The following CSNK2A2 variants were observed in gnomAD, a reference collection of about 807,000 sequenced individuals.
CSNK2A2 encodes the protein casein kinase 2 alpha 2.
In CSNK2A2, 8 loss-of-function variants were observed where a neutral mutation model predicts 54.0. The ratio of observed to expected loss-of-function variants is 0.15; its 90% confidence interval spans 0.09 to 0.27. CSNK2A2 has a LOEUF of 0.27. Among genes scored for constraint, CSNK2A2 ranks in the 10% least tolerant of loss-of-function variants. The probability of loss-of-function intolerance (pLI) is 1.00; values close to 1 mark genes in which losing one functional copy is unlikely to be tolerated. For synonymous variants in CSNK2A2, 141 were observed against 153.9 expected (o/e 0.92, Z 0.62); for missense variants, 242 against 439.4 (o/e 0.55, Z 4.02).
chr16:58,165,574 T>C lies in CSNK2A2; in HGVS notation c.962A>G (p.Glu321Gly). 2 of 1,613,268 alleles carry C rather than the reference T, an allele frequency of 1.2e-6. No individual in the cohort carries two copies. Among genetic ancestry groups the C allele is most frequent in the Admixed American group, 3.3e-5 (2 of 59,744 alleles). The change falls in exon 10 of 12, where the codon GAG (glutamate) becomes GGG (glycine). Residue 321 changes from glutamate to glycine, a missense_variant. Coordinates refer to ENST00000262506, the MANE Select transcript of CSNK2A2 (RefSeq NM_001896.4). ...TGGAGACTCACAGAAGTATGGGTGC[T>C]CCATGGCCTCTTTGGCAGTCAGTCT... The part of the protein sequence containing the change: ...QQRLTAKEAM[E>G]HPYFYPVVKE...
At chr16:58,171,979 A>ATATATATATATATAT (rs1261137669) in intron 5 of CSNK2A2, among the ~76,000 whole-genome samples, 7 of 66,188 alleles carry the variant, frequency 1.1e-4, no homozygotes, top group East Asian at 5.1e-4. Flanking sequence ...ATATATATAT[A>ATATATATATATATAT]TTTTTTTTTT....
intron 11 of CSNK2A2, among the ~76,000 whole-genome samples, chr16:58,159,350 C>T (rs1045417426): frequency 6.6e-6 from 1 of 152,300 alleles, no homozygotes; most frequent in Non-Finnish European, 1.5e-5. Flanking sequence ...AACAGTCAAT[C>T]CCAAGAGGCA....
At chr16:58,161,492 T>A (rs1039963580) in intron 11 of CSNK2A2, 8 of 152,010 alleles carry the variant, frequency 5.3e-5, no homozygotes, top group African/African-American at 1.2e-4. Flanking sequence ...GGTGCGTACA[T>A]TTACCATGGT....
chr16:58,160,042 A>G (rs1961287036), intron 11 of CSNK2A2: 1 of 152,206 alleles, frequency 6.6e-6, no homozygotes, highest in Non-Finnish European at 1.5e-5. Context: ...CAGCCTCTAC[A>G]ATACCTAGTT....
chr16:58,184,639 TAA>T (rs900039563), intron 3 of CSNK2A2, among the ~76,000 whole-genome samples: 10 of 152,204 alleles, frequency 6.6e-5, no homozygotes, highest in Non-Finnish European at 1.5e-4. Context: ...AATTTCATAA[TAA>T]AAAGTTTTAA....
At chr16:58,168,850 G>A (rs1284908060) in intron 5 of CSNK2A2, among the ~76,000 whole-genome samples, 157 bp from the exon 6 acceptor site, 3 of 152,192 alleles carry the variant, frequency 2.0e-5, no homozygotes, top group Non-Finnish European at 4.4e-5. Context: ...TGCTTCAGAA[G>A]GCACCCCTTG....
At chr16:58,172,581 T>A (rs1356484014) in intron 5 of CSNK2A2, among the ~76,000 whole-genome samples, 1 of 152,240 alleles carries the variant, frequency 6.6e-6, no homozygotes, top group East Asian at 1.9e-4. Flanking sequence ...AATAAACTAA[T>A]TAAGACCACA....
rs1961887844 is a variant in CSNK2A2 at position 58,176,678 on chromosome 16, A to G, written c.370-2168T>C. Among the ~76,000 whole-genome samples the G allele has an allele frequency of 2.0e-5, 3 of 151,780 alleles. No individual in the cohort carries two copies. The South Asian group carries it at 6.2e-4, about 32-fold the overall frequency. ...CCTCCACTCTTCCCTCTCTAGCCCT[A>G]CTCCACCTTAGCCTGTAAAGCCAAA... On this transcript the variant is annotated intron_variant, in intron 4 of 11. Transcript: ENST00000262506.
intron 4 of CSNK2A2, among the ~76,000 whole-genome samples, chr16:58,176,299 C>T (rs751422898): frequency 1.3e-5 from 2 of 152,208 alleles, no homozygotes; most frequent in Non-Finnish European, 2.9e-5. Flanking sequence ...GTGGTACCTA[C>T]ACCATGCATC....
At chr16:58,174,961 CAG>C (rs1282369246) in intron 4 of CSNK2A2, among the ~76,000 whole-genome samples, 2 of 152,116 alleles carry the variant, frequency 1.3e-5, no homozygotes, top group African/African-American at 4.8e-5. Context: ...TGTGGTAAAA[CAG>C]TGGCGACACA....
intron 2 of CSNK2A2, among the ~76,000 whole-genome samples, chr16:58,195,114 T>C (rs1962401909): frequency 6.6e-6 from 1 of 152,114 alleles, no homozygotes; most frequent in South Asian, 2.1e-4. Flanking sequence ...AAGCAGCTTA[T>C]TGAAAACTTA....
chr16:58,179,719 T>A (rs1395808247), intron 4 of CSNK2A2, among the ~76,000 whole-genome samples: 1 of 152,178 alleles, frequency 6.6e-6, no homozygotes, highest in Non-Finnish European at 1.5e-5. Context: ...GTGAGTTCCA[T>A]AACCATGGGA....
At chr16:58,167,420 A>C (rs1961597889) in intron 7 of CSNK2A2, 112 bp from the exon 8 acceptor site, 1 of 723,418 alleles carries the variant, frequency 1.4e-6, no homozygotes, top group African/African-American at 1.8e-5. Flanking sequence ...GGCCATAGAT[A>C]ATTTATTTAA....
chr16:58,195,116 G>A (rs117582645), intron 2 of CSNK2A2, among the ~76,000 whole-genome samples: 2 of 151,338 alleles, frequency 1.3e-5, no homozygotes, highest in East Asian at 3.9e-4. Context: ...GCAGCTTATT[G>A]AAAACTTATG....
intron 7 of CSNK2A2, 114 bp from the exon 8 acceptor site, chr16:58,167,422 T>A: frequency 1.4e-6 from 1 of 726,128 alleles, no homozygotes; most frequent in Non-Finnish European, 2.1e-6. Context: ...CCATAGATAA[T>A]TTATTTAAAA....
chr16:58,168,206 C>A (rs1265906968), intron 6 of CSNK2A2, among the ~76,000 whole-genome samples: 1 of 152,034 alleles, frequency 6.6e-6, no homozygotes, highest in African/African-American at 2.4e-5. Context: ...ATTTATTCGT[C>A]TAATACTAGA....
chr16:58,177,500 T>C lies in CSNK2A2; in HGVS notation c.370-2990A>G, dbSNP rs1484361672. ...ACACCCACAAAGGCATGGCCACAGG[T>C]GGGCCTCACTGCTACCGTAGGCATA... On this transcript the variant is annotated intron_variant, in intron 4 of 11. Coordinates refer to ENST00000262506, the MANE Select transcript of CSNK2A2 (RefSeq NM_001896.4). 2.6e-5 allele frequency among the ~76,000 whole-genome samples: 4 copies of C among 152,172 alleles called. No homozygotes were observed. The East Asian group carries it at 7.7e-4, about 29-fold the overall frequency.
chr16:58,197,533 G>T lies in CSNK2A2; in HGVS notation c.104+100C>A. The T allele has an allele frequency of 1.6e-6, 1 of 620,586 alleles. No homozygotes were observed. Among genetic ancestry groups the T allele is most frequent in the Non-Finnish European group, 2.6e-6 (1 of 388,280 alleles). 38.4% of individuals were successfully genotyped at this position (620,586 alleles called of 1,614,324 possible). On this transcript the variant is annotated intron_variant, in intron 1 of 11. Transcript: ENST00000262506. This position sits in a 1 kb window ranked among gnomAD's most constrained non-coding sequence, Gnocchi z 4.0. Reference sequence around the variant, plus strand: ...CTGCCTCCCTGCGGGCCCGCGGAGGGGTCGGCGGGAGACACCACCGGGCCC... The same window carrying T: ...CTGCCTCCCTGCGGGCCCGCGGAGGTGTCGGCGGGAGACACCACCGGGCCC...
At chr16:58,186,669 T>A in intron 3 of CSNK2A2, 86 bp downstream of exon 3, 1 of 895,170 alleles carries the variant, frequency 1.1e-6, no homozygotes, top group Non-Finnish European at 1.8e-6. Context: ...CCCCACTGTA[T>A]CATTACGTGA....
Sources: gnomAD v4.1 joint callset for allele counts (sites outside exome capture counted in the v4.1 genomes callset) on GRCh38, gnomAD v4.1.1 for gene constraint, Gnocchi (gnomAD v3.1) non-coding constraint, MANE v1.5 for transcripts, NCBI Gene and HGNC (gene_info 2026-07-23, HGNC 2026-07-21) for gene names.